The following CFAP58 variants were observed in gnomAD, a reference collection of about 807,000 sequenced individuals.
CFAP58 encodes cilia and flagella associated protein 58, also known as cilia- and flagella-associated protein 58.
In CFAP58, 88 loss-of-function variants were observed where a neutral mutation model predicts 119.5. The observed-to-expected ratio is 0.74, with a 90% CI of 0.62 to 0.88. The LOEUF (loss-of-function observed/expected upper bound fraction) is 0.88. CFAP58 is among the 40% of genes least tolerant of loss of function. The pLI is 0.00. For missense variants in CFAP58, 990 were observed against 1,021.2 expected, an observed-to-expected ratio of 0.97 and a Z score of 0.42; for synonymous variants, 365 against 366.3, an observed-to-expected ratio of 1.00 and a Z score of 0.04.
At chr10:104,444,179 C>T (rs188837185) in intron 15 of CFAP58, among the ~76,000 whole-genome samples, 12 of 152,252 alleles carry the variant, frequency 7.9e-5, no homozygotes, top group East Asian at 1.9e-4. Flanking sequence ...CCAGAAAACT[C>T]GGAATAAAAG....
rs748365408 is a variant in CFAP58 at position 104,380,259 on chromosome 10, C to T, written c.1365+39C>T. ...TGATGTTGTGGGTGGAGCAGAGGCA[C>T]ATTCCTTCCTCCGCATTTCTGATGG... On this transcript the variant is annotated intron_variant, in intron 9 of 17. Transcript: ENST00000369704. 7.8e-6 allele frequency: 12 copies of T among 1,532,188 alleles called. No individual in the cohort carries two copies. The South Asian group carries it at 1.4e-4, about 18-fold the overall frequency. The allele number at this position is 1,532,188 out of a possible 1,614,324, so 94.9% of individuals were successfully genotyped here. A position where few individuals can be genotyped will look rare whatever the true frequency, so the allele number is the denominator to read the frequency against.
At chr10:104,427,511 ACAT>A (rs1348490511) in intron 15 of CFAP58, among the ~76,000 whole-genome samples, 1 of 152,190 alleles carries the variant, frequency 6.6e-6, no homozygotes, top group Non-Finnish European at 1.5e-5. Flanking sequence ...GAAGGATCTA[ACAT>A]TTGTCTGATA....
chr10:104,383,752 C>CAACACACACACACACACA (rs565679469), intron 9 of CFAP58, among the ~76,000 whole-genome samples: 376 of 86,540 alleles, frequency 4.3e-3, no homozygotes, highest in Middle Eastern at 8.2e-3. Context: ...CTTTACTGTC[C>CAACACACACACACACACA]AACACACACA....
At chr10:104,346,277 A>AT in the CFAP58 span, among the ~76,000 whole-genome samples, 4 of 152,056 alleles carry the variant, frequency 2.6e-5, no homozygotes, top group African/African-American at 4.8e-5. Context: ...AGGTAGAAAC[A>AT]TTGGAAGTCA....
Position 104,423,886 on chromosome 10 carries a change from G to A in CFAP58, c.2256+17093G>A, listed in dbSNP as rs533277805. Among the ~76,000 whole-genome samples the A allele has an allele frequency of 3.3e-4, 50 of 152,320 alleles. 1 individual carries two copies. In the East Asian group the frequency reaches 8.9e-3, roughly 27 times the overall value. The stretch of plus-strand genomic sequence containing the variant: ...TTTACCCAGAAATATCTTAGAAACA[G>A]AGGTGCTTCTTACAAGGATGAGAAA... On this transcript the variant is annotated intron_variant, in intron 15 of 17. Coordinates refer to ENST00000369704, the MANE Select transcript of CFAP58 (RefSeq NM_001008723.2).
chr10:104,364,737 C>G lies in CFAP58; in HGVS notation c.445C>G (p.Arg149Gly). 6.2e-7 allele frequency: 1 copy of G among 1,612,192 alleles called. No individual in the cohort carries two copies. Among genetic ancestry groups the G allele is most frequent in the Middle Eastern group, 1.7e-4 (1 of 6,054 alleles). The stretch of plus-strand genomic sequence containing the variant: ...TCCTGTGTTCTTCCTTTTTAGCATC[C>G]GAGATTTACTGAGGTTCAAAGAAGA... ...GLSMDQHSNI[R>G]DLLRFKEEVT... The change falls in exon 4 of 18, where the codon CGA (arginine) becomes GGA (glycine). Residue 149 changes from arginine (R) to glycine (G), a missense_variant. Arg to Gly is a moderately radical substitution (Grantham distance 125). Coordinates refer to ENST00000369704, the MANE Select transcript of CFAP58 (RefSeq NM_001008723.2).
rs184368567 is a variant in CFAP58 at position 104,405,048 on chromosome 10, G to T, written c.2151+1208G>T. Among the ~76,000 whole-genome samples the T allele has an allele frequency of 7.9e-5, 12 of 152,266 alleles. No homozygotes were observed. In the East Asian group the frequency reaches 2.1e-3, roughly 27 times the overall value. On this transcript the variant is annotated intron_variant, in intron 14 of 17. Coordinates refer to ENST00000369704, the MANE Select transcript of CFAP58 (RefSeq NM_001008723.2). ...TATAAGAAAGAAAATCAGCCAGGTAGATTCTTGTTTTCCATTTTTATTTTT... is the reference window on the plus strand; with the variant it reads ...TATAAGAAAGAAAATCAGCCAGGTATATTCTTGTTTTCCATTTTTATTTTT...
At chr10:104,411,653 A>G (rs1217150524) in intron 15 of CFAP58, among the ~76,000 whole-genome samples, 1 of 151,912 alleles carries the variant, frequency 6.6e-6, no homozygotes, top group East Asian at 1.9e-4. Context: ...ATTTTTTTTT[A>G]ATGTTAAATT....
chr10:104,429,318 G>A (rs746898635), intron 15 of CFAP58, among the ~76,000 whole-genome samples: 5 of 152,152 alleles, frequency 3.3e-5, no homozygotes, highest in African/African-American at 9.7e-5. Context: ...TCCTGGTGGC[G>A]AGGGCAGAGA....
chr10:104,418,967 G>A (rs1470106929), intron 15 of CFAP58, among the ~76,000 whole-genome samples: 1 of 152,170 alleles, frequency 6.6e-6, no homozygotes. Context: ...TCAAGGGGTA[G>A]AAGAATGAGA....
intron 15 of CFAP58, among the ~76,000 whole-genome samples, chr10:104,445,006 T>C (rs1401647216): frequency 6.6e-6 from 1 of 152,120 alleles, no homozygotes; most frequent in African/African-American, 2.4e-5. Context: ...AATAAATCCA[T>C]TTCAATTAAG....
intron 8 of CFAP58, among the ~76,000 whole-genome samples, chr10:104,379,734 A>C (rs2011744657): frequency 6.6e-6 from 1 of 152,158 alleles, no homozygotes; most frequent in Non-Finnish European, 1.5e-5. Flanking sequence ...CATTGTATGA[A>C]CTTGTGGGCA....
chr10:104,447,300 G>A (rs188321379), intron 15 of CFAP58, among the ~76,000 whole-genome samples: 3 of 151,882 alleles, frequency 2.0e-5, no homozygotes, highest in Non-Finnish European at 2.9e-5. Flanking sequence ...TCACAGGCAC[G>A]AGCTACTGCA....
intron 5 of CFAP58, among the ~76,000 whole-genome samples, chr10:104,367,272 A>T (rs2135256995): frequency 6.6e-6 from 1 of 152,346 alleles, no homozygotes; most frequent in Non-Finnish European, 1.5e-5. Flanking sequence ...TTAGGGTGAC[A>T]CAAGTATTAG....
At chr10:104,355,038 A>G (rs2014525001) in intron 1 of CFAP58, among the ~76,000 whole-genome samples, 1 of 151,966 alleles carries the variant, frequency 6.6e-6, no homozygotes, top group South Asian at 2.1e-4. Context: ...TTTCCTTATC[A>G]TACGATCTCT....
intron 15 of CFAP58, among the ~76,000 whole-genome samples, chr10:104,439,761 A>C (rs918854250): frequency 7.9e-5 from 12 of 151,226 alleles, no homozygotes; most frequent in African/African-American, 2.9e-4. Flanking sequence ...GCAAAAGCTA[A>C]TTGGAAACCT....
intron 8 of CFAP58, among the ~76,000 whole-genome samples, chr10:104,379,238 G>A (rs1166047623): frequency 1.3e-5 from 2 of 152,016 alleles, no homozygotes; most frequent in African/African-American, 2.4e-5. Context: ...GACTGTCCTG[G>A]ATATTTATAT....
Position 104,362,217 on chromosome 10 carries a change from G to T in CFAP58, c.440+46G>T, listed in dbSNP as rs114109182. On this transcript the variant is annotated intron_variant, in intron 3 of 17. Coordinates refer to ENST00000369704, the MANE Select transcript of CFAP58 (RefSeq NM_001008723.2). ...TGTATGTTAAACTTGCTTTTGCAGA[G>T]GTCTCCTTCAGTAGACAGCCTGGGG... 2,989 of 1,540,352 alleles carry T rather than the reference G, an allele frequency of 1.9e-3. 58 individuals carry two copies. The African/African-American group carries it at 0.037, about 19-fold the overall frequency.
In CFAP58 at chr10:104,415,318, T is replaced by TC. The variant is rs533577562; in HGVS notation, c.2256+8526dup. Reference sequence around the variant, plus strand: ...AGTGGGTGGAGGGGGAGGGAGCGGGTCATCCCATGGGCGTTTGAGCTCTAG... The same window carrying TC: ...AGTGGGTGGAGGGGGAGGGAGCGGGTCCATCCCATGGGCGTTTGAGCTCTAG... On this transcript the variant is annotated intron_variant, in intron 15 of 17. Transcript: ENST00000369704. 5.4e-3 allele frequency among the ~76,000 whole-genome samples: 823 copies of TC among 151,922 alleles called. 6 individuals are homozygous for TC. Among genetic ancestry groups the TC allele is most frequent in the Non-Finnish European group, 0.01 (697 of 67,930 alleles).
Sources: gnomAD v4.1 joint callset for allele counts (sites outside exome capture counted in the v4.1 genomes callset) on GRCh38, gnomAD v4.1.1 for gene constraint, MANE v1.5 for transcripts, NCBI Gene and HGNC (gene_info 2026-07-23, HGNC 2026-07-21) for gene names.